The following ZDHHC15 variants were observed in gnomAD, a reference collection of about 807,000 sequenced individuals.
The protein encoded by ZDHHC15 is zDHHC palmitoyltransferase 15.
A neutral mutation model predicts 31.7 loss-of-function variants in ZDHHC15; 19 were observed. That is an observed-to-expected ratio of 0.60 (90% CI 0.42 to 0.88). The LOEUF is 0.88. Among genes scored for constraint, ZDHHC15 ranks in the 40% least tolerant of loss-of-function variants. The pLI, the probability that ZDHHC15 is intolerant of heterozygous loss-of-function variation, is 0.00. For synonymous variants in ZDHHC15, 103 were observed against 90.0 expected (o/e 1.14, Z -0.82); for missense variants, 209 against 251.2 (o/e 0.83, Z 1.14).
At chrX:75,473,400 C>T (rs1387925038) in intron 3 of ZDHHC15, among the ~76,000 whole-genome samples, 2 of 111,113 alleles carry the variant, frequency 1.8e-5, no homozygotes, top group Admixed American at 9.6e-5. Context: ...CCTAGTGATC[C>T]ACTAGCAAAA....
intron 2 of ZDHHC15, among the ~76,000 whole-genome samples, chrX:75,485,397 T>C (rs1473585592): frequency 1.8e-5 from 2 of 111,391 alleles, no homozygotes; most frequent in African/African-American, 3.3e-5. Flanking sequence ...TTACAGGCTA[T>C]AGGATTGAAA....
chrX:75,447,803 C>A (rs1213503180), intron 4 of ZDHHC15, among the ~76,000 whole-genome samples: 1 of 111,716 alleles, frequency 9.0e-6, no homozygotes, highest in Non-Finnish European at 1.9e-5. Flanking sequence ...CCAGGGGACA[C>A]AACAATGATT....
At chrX:75,414,915 G>T (rs2083531955) in intron 10 of ZDHHC15, among the ~76,000 whole-genome samples, 1 of 106,979 alleles carries the variant, frequency 9.3e-6, no homozygotes, top group African/African-American at 3.4e-5. Context: ...ACAGGTGTGT[G>T]TCATCATACC....
intron 3 of ZDHHC15, among the ~76,000 whole-genome samples, chrX:75,468,578 GTATC>G (rs2084451788): frequency 9.0e-6 from 1 of 111,595 alleles, no homozygotes; most frequent in African/African-American, 3.3e-5. Context: ...TTTTGGGTAT[GTATC>G]TAGGAGTGGG....
At chrX:75,377,501 A>AT (rs2083072882) in intron 11 of ZDHHC15, among the ~76,000 whole-genome samples, 1 of 48,512 alleles carries the variant, frequency 2.1e-5, no homozygotes, top group African/African-American at 4.0e-5. Context: ...ATCTCAAAAA[A>AT]AAAATATATA....
chrX:75,462,106 CAG>C (rs1248321366), intron 3 of ZDHHC15, among the ~76,000 whole-genome samples: 1 of 111,063 alleles, frequency 9.0e-6, no homozygotes, highest in African/African-American at 3.3e-5. Context: ...AAATGAAAAA[CAG>C]AAAAAAGTAG....
intron 10 of ZDHHC15, among the ~76,000 whole-genome samples, chrX:75,379,799 A>C (rs1028978444): frequency 8.9e-6 from 1 of 112,310 alleles, no homozygotes; most frequent in South Asian, 3.7e-4. Flanking sequence ...AAAAGTTGAC[A>C]GTAGCCATCC....
At chrX:75,388,955 A>T (rs2083211266) in intron 10 of ZDHHC15, among the ~76,000 whole-genome samples, 1 of 111,766 alleles carries the variant, frequency 8.9e-6, no homozygotes. Flanking sequence ...GGCACTGAAG[A>T]GGGTAGGGAA....
At chrX:75,442,725 G>A (rs187090135) in intron 4 of ZDHHC15, among the ~76,000 whole-genome samples, 35 of 111,434 alleles carry the variant, frequency 3.1e-4, no homozygotes, top group African/African-American at 1.1e-3. Flanking sequence ...GGTGGCTCAC[G>A]CCTGTAATCC....
At chrX:75,504,187 T>C (rs1019781394) in intron 2 of ZDHHC15, among the ~76,000 whole-genome samples, 2 of 111,444 alleles carry the variant, frequency 1.8e-5, no homozygotes, top group Admixed American at 9.6e-5. Flanking sequence ...ACAGGAATCA[T>C]TATAAGTAGA....
At chrX:75,502,669 A>C (rs1282200572) in intron 2 of ZDHHC15, among the ~76,000 whole-genome samples, 1 of 110,728 alleles carries the variant, frequency 9.0e-6, no homozygotes, top group Non-Finnish European at 1.9e-5. Context: ...ATCATTCCTA[A>C]ATTTATCTCT....
intron 1 of ZDHHC15, among the ~76,000 whole-genome samples, chrX:75,509,316 TAAA>T (rs35505129): frequency 1.8e-5 from 2 of 112,088 alleles, no homozygotes; most frequent in African/African-American, 6.5e-5. Context: ...GTTATCCACA[TAAA>T]AATTATTGTG....
chrX:75,416,372 T>C (rs1359772007), intron 10 of ZDHHC15, among the ~76,000 whole-genome samples: 1 of 112,223 alleles, frequency 8.9e-6, no homozygotes, highest in Non-Finnish European at 1.9e-5. Context: ...AGCTACTGCA[T>C]TATTGGGAAC....
rs752824655 is a variant in ZDHHC15, at chrX:75,517,003, C to A, written c.136+5886G>T. Among the ~76,000 whole-genome samples, 875 of 112,068 alleles carry A rather than the reference C, an allele frequency of 7.8e-3. 10 individuals are homozygous for A. The highest frequency in any genetic ancestry group is 0.011 in the Non-Finnish European group (583 of 53,147). On this transcript the variant is annotated intron_variant, in intron 1 of 11. Transcript: ENST00000373367. Reference sequence around the variant, plus strand: ...ATGAAAAAATGCTCATCATCACTGGCCATCAGAGAAATGCAAATCAAAACC... The same window carrying A: ...ATGAAAAAATGCTCATCATCACTGGACATCAGAGAAATGCAAATCAAAACC...
chrX:75,456,777 T>G (rs954853365), intron 3 of ZDHHC15, among the ~76,000 whole-genome samples: 1 of 111,261 alleles, frequency 9.0e-6, no homozygotes, highest in Non-Finnish European at 1.9e-5. Flanking sequence ...GTTTCCTCTC[T>G]GAGAGCAGTT....
chrX:75,483,059 A>ATG (rs1397222635), intron 2 of ZDHHC15, among the ~76,000 whole-genome samples: 1 of 94,104 alleles, frequency 1.1e-5, no homozygotes, highest in African/African-American at 4.7e-5. Flanking sequence ...ATATACACAT[A>ATG]TGTGTATATA....
At chrX:75,395,162 C>T (rs765713400) in intron 10 of ZDHHC15, among the ~76,000 whole-genome samples, 2 of 111,597 alleles carry the variant, frequency 1.8e-5, no homozygotes, top group African/African-American at 3.3e-5. Flanking sequence ...TTTCAGCCCA[C>T]TTTCACTACT....
chrX:75,489,053 C>T (rs561967338), intron 2 of ZDHHC15, among the ~76,000 whole-genome samples: 23 of 111,721 alleles, frequency 2.1e-4, no homozygotes, highest in African/African-American at 4.9e-4. Context: ...GAGGAGTGCC[C>T]GCCATTGCCT....
chrX:75,374,071 C>T (rs779964222), intron 11 of ZDHHC15, among the ~76,000 whole-genome samples: 37 of 107,860 alleles, frequency 3.4e-4, no homozygotes, highest in African/African-American at 1.1e-3. Context: ...TTTTAGCTTC[C>T]ACAGATAAGT....
Sources: allele counts gnomAD v4.1 joint callset (sites outside exome capture counted in the v4.1 genomes callset), GRCh38; gene constraint gnomAD v4.1.1; transcripts MANE v1.5; gene names NCBI Gene and HGNC (gene_info 2026-07-23, HGNC 2026-07-21).